Variants in KLHL25 observed in about 807,000 individuals in gnomAD.
The protein encoded by KLHL25 is kelch-like protein 25.
A neutral mutation model predicts 30.0 loss-of-function variants in KLHL25; 41 were observed. The observed-to-expected ratio is 1.37, with a 90% CI of 1.07 to 1.78. The LOEUF is 1.78. Ranked by LOEUF, KLHL25 falls within the 40% of genes most tolerant of loss-of-function variation. KLHL25 has a pLI of 0.00. For missense variants in KLHL25, 971 were observed against 824.5 expected (o/e 1.18, Z -2.18); for synonymous variants, 399 against 355.3 (o/e 1.12, Z -1.38).
At chr15:85,779,113 G>C (rs2614675) in intron 1 of KLHL25, among the ~76,000 whole-genome samples, 74,497 of 151,272 alleles carry the variant, frequency 0.49, 18,469 homozygotes, top group Middle Eastern at 0.53. Flanking sequence ...ACCCTCCCAT[G>C]GGAGGAACTG....
In KLHL25 at chr15:85,768,757, T is replaced by C. The variant is rs776092681; in HGVS notation, c.1054A>G (p.Asn352Asp). The C allele has an allele frequency of 3.7e-6, 6 of 1,612,908 alleles. No individual in the cohort carries two copies. In the East Asian group the frequency reaches 1.1e-4, roughly 30 times the overall value. Residue 352 changes from asparagine (N) to aspartate (D), a missense_variant, in exon 2 of 3, where the codon AAC becomes GAC. Transcript: ENST00000337975. ...VYVTGGRGSE[N>D]GVSKDVWVYD... ...ACCCAGACATCCTTGGAGACCCCGT[T>C]CTCGGAGCCCCTGCCCCCCGTCACA... is the stretch of plus-strand genomic sequence containing the variant.
At chr15:85,793,664 A>G (rs2937937) in intron 1 of KLHL25, among the ~76,000 whole-genome samples, 77,877 of 151,794 alleles carry the variant, frequency 0.51, 20,418 homozygotes, top group South Asian at 0.61. Context: ...CAGACCGTGG[A>G]ATCCTGCCTC....
intron 2 of KLHL25, chr15:85,762,036 G>T (rs1444268620): frequency 6.6e-6 from 1 of 152,254 alleles, no homozygotes; most frequent in Non-Finnish European, 1.5e-5. Context: ...GTGCTGGGCC[G>T]TCTGTTCTCT....
intron 1 of KLHL25, chr15:85,770,535 C>T (rs2089664307): frequency 5.6e-6 from 3 of 534,306 alleles, no homozygotes; most frequent in Non-Finnish European, 1.2e-5. Flanking sequence ...GAGACATGTT[C>T]TCTGAATCCA....
chr15:85,773,708 G>C (rs62025297), intron 1 of KLHL25, among the ~76,000 whole-genome samples: 25,974 of 152,240 alleles, frequency 0.17, 2,565 homozygotes, highest in Non-Finnish European at 0.23. Flanking sequence ...TTTGAGGAAC[G>C]AAGCAGGCCC....
chr15:85,784,559 C>CA (rs2089767457), intron 1 of KLHL25, among the ~76,000 whole-genome samples: 1 of 145,962 alleles, frequency 6.9e-6, no homozygotes, highest in Non-Finnish European at 1.5e-5. Context: ...AAAAAAAAAG[C>CA]AGAGTTTTCT....
chr15:85,786,754 C>T (rs1293082265), intron 1 of KLHL25, among the ~76,000 whole-genome samples: 2 of 152,268 alleles, frequency 1.3e-5, no homozygotes, highest in East Asian at 1.9e-4. Flanking sequence ...AGCTCCTCCC[C>T]TGGATATGCT....
At chr15:85,792,904 T>C (rs1053043838) in intron 1 of KLHL25, among the ~76,000 whole-genome samples, 3 of 152,104 alleles carry the variant, frequency 2.0e-5, no homozygotes, top group Admixed American at 6.5e-5. Context: ...GTGCCAGCAC[T>C]CCCTCATCTA....
chr15:85,765,457 C>T (rs1477315983), intron 2 of KLHL25, among the ~76,000 whole-genome samples: 1 of 152,010 alleles, frequency 6.6e-6, no homozygotes, highest in East Asian at 1.9e-4. Flanking sequence ...GAAACCCCAT[C>T]TCTACTACAA....
chr15:85,790,384 G>A (rs1018671774), intron 1 of KLHL25, among the ~76,000 whole-genome samples: 4 of 152,094 alleles, frequency 2.6e-5, no homozygotes, highest in Middle Eastern at 3.2e-3. Flanking sequence ...CACCTCGCCC[G>A]GTCCATTCCT....
chr15:85,768,130 TG>T lies in KLHL25; in HGVS notation c.1680del (p.Thr561LeufsTer135). 3 of 1,614,210 alleles carry T rather than the reference TG, an allele frequency of 1.9e-6. No individual in the cohort carries two copies. The highest frequency in any genetic ancestry group is 3.3e-5 in the Admixed American group (2 of 60,028). On this transcript the variant is annotated frameshift_variant, in exon 2 of 3. Coordinates refer to ENST00000337975, the MANE Select transcript of KLHL25 (RefSeq NM_022480.4). LOFTEE classifies it low-confidence loss of function (END_TRUNC). The part of the protein sequence containing the change: ...QRCKTLDCYD[P>X]TSDTWNCITT... ...GTGATGCAGTTCCATGTATCTGAAG[TG>T]GGGTCATAGCAGTCCAGAGTCTTAC...
In KLHL25 at chr15:85,769,958, C is replaced by T. The variant is rs1363385154; in HGVS notation, c.-10-138G>A. The T allele has an allele frequency of 3.1e-5, 22 of 714,480 alleles. No homozygotes were observed. In the Admixed American group the frequency reaches 3.4e-4, roughly 11 times the overall value. 44.3% of individuals were successfully genotyped at this position (714,480 alleles called of 1,614,324 possible). A position where few individuals can be genotyped will look rare whatever the true frequency, so the allele number is the denominator to read the frequency against. On this transcript the variant is annotated intron_variant, in intron 1 of 2. Transcript: ENST00000337975. ...CCTCTGCTAAACCAAGCCCCTCTCCCGCAACCACGTTGCCAAGGACAACAC... is the reference window on the plus strand; with the variant it reads ...CCTCTGCTAAACCAAGCCCCTCTCCTGCAACCACGTTGCCAAGGACAACAC...
In KLHL25 at chr15:85,760,520, T is replaced by C. The variant is rs3743332; in HGVS notation, c.*516A>G. The C allele has an allele frequency of 0.2, 30,225 of 152,192 alleles. 3,982 individuals are homozygous for C. The highest frequency in any genetic ancestry group is 0.4 in the Middle Eastern group (117 of 294). 9.4% of individuals were successfully genotyped at this position (152,192 alleles called of 1,614,324 possible). On this transcript the variant is annotated 3_prime_UTR_variant, in exon 3 of 3. Coordinates refer to ENST00000337975, the MANE Select transcript of KLHL25 (RefSeq NM_022480.4). ...GTTTCTGCACCTTAAAAAATCTGTC[T>C]TGGTCACCTTTCTGGTCTCAACCCC...
intron 1 of KLHL25, among the ~76,000 whole-genome samples, chr15:85,778,667 A>G (rs1421553016): frequency 2.6e-5 from 4 of 152,160 alleles, no homozygotes; most frequent in African/African-American, 9.7e-5. Context: ...AAGACTGGGG[A>G]AGGGGCGGCG....
intron 1 of KLHL25, among the ~76,000 whole-genome samples, chr15:85,784,551 A>T (rs563315526): frequency 2.7e-4 from 40 of 145,588 alleles, no homozygotes; most frequent in African/African-American, 9.6e-4. Flanking sequence ...AAAAAATAAA[A>T]AAAAAAGCAG....
chr15:85,778,978 G>C (rs1051273617), intron 1 of KLHL25, among the ~76,000 whole-genome samples: 5 of 152,056 alleles, frequency 3.3e-5, no homozygotes, highest in Non-Finnish European at 5.9e-5. Flanking sequence ...CTTAGAGAAA[G>C]GACCTATCCA....
intron 1 of KLHL25, among the ~76,000 whole-genome samples, chr15:85,790,383 C>G (rs572518016): frequency 6.6e-6 from 1 of 151,988 alleles, no homozygotes; most frequent in Non-Finnish European, 1.5e-5. Context: ...CCACCTCGCC[C>G]GGTCCATTCC....
intron 1 of KLHL25, among the ~76,000 whole-genome samples, chr15:85,793,576 C>T (rs2151814890): frequency 6.6e-6 from 1 of 152,284 alleles, no homozygotes; most frequent in East Asian, 1.9e-4. Context: ...ATCAGTTCCT[C>T]CTATGAATGG....
intron 1 of KLHL25, among the ~76,000 whole-genome samples, chr15:85,778,288 C>G (rs1300582462): frequency 6.6e-6 from 1 of 152,188 alleles, no homozygotes; most frequent in East Asian, 1.9e-4. Flanking sequence ...CTGGCCAAAT[C>G]CAGCTACACG....
Sources: allele counts gnomAD v4.1 joint callset (sites outside exome capture counted in the v4.1 genomes callset), GRCh38; gene constraint gnomAD v4.1.1; transcripts MANE v1.5; gene names NCBI Gene and HGNC (gene_info 2026-07-23, HGNC 2026-07-21).